The following GRIA3 variants were observed in gnomAD, a reference collection of about 807,000 sequenced individuals.
GRIA3 encodes glutamate receptor 3.
Under a neutral mutation model 63.0 loss-of-function variants are expected in GRIA3, and 3 were observed. That is an observed-to-expected ratio of 0.05 (90% CI 0.02 to 0.12). The LOEUF (loss-of-function observed/expected upper bound fraction) is 0.12. Among genes scored for constraint, GRIA3 ranks in the 10% least tolerant of loss-of-function variants. GRIA3 has a pLI of 1.00. For missense variants in GRIA3, 347 were observed against 700.9 expected, an observed-to-expected ratio of 0.50 and a Z score of 5.70; for synonymous variants, 274 against 257.9, an observed-to-expected ratio of 1.06 and a Z score of -0.60.
chrX:123,431,022 T>TCACACACA (rs1171959369), intron 12 of GRIA3, among the ~76,000 whole-genome samples: 2 of 25,199 alleles, frequency 7.9e-5, no homozygotes, highest in African/African-American at 2.8e-4. Context: ...AAACAGTAAC[T>TCACACACA]CACATACACA....
In GRIA3 at chrX:123,476,027, C is replaced by T. The variant is rs1415227900; in HGVS notation, c.2325-4036C>T. ...CATAAATCTACCTTCTTAGGGTGAT[C>T]ATTAAACCTGAACAATAATTATAAT... On this transcript the variant is annotated intron_variant, in intron 13 of 15. Transcript: ENST00000620443. Among the ~76,000 whole-genome samples the T allele has an allele frequency of 6.3e-5, 7 of 111,228 alleles. No homozygotes were observed. In the Admixed American group the frequency reaches 6.7e-4, roughly 11 times the overall value.
chrX:123,293,283 G>C (rs186129165), intron 3 of GRIA3, among the ~76,000 whole-genome samples: 1 of 111,228 alleles, frequency 9.0e-6, no homozygotes, highest in Non-Finnish European at 1.9e-5. Flanking sequence ...GGGATATTTA[G>C]ACCCATTTCT....
At chrX:123,368,779 A>G (rs1186884015) in intron 5 of GRIA3, among the ~76,000 whole-genome samples, 1 of 59,693 alleles carries the variant, frequency 1.7e-5, no homozygotes, top group Non-Finnish European at 3.3e-5. Context: ...AGATCATAAT[A>G]CAAAAAAAAA....
At chrX:123,207,895 C>A (rs912507521) in intron 2 of GRIA3, among the ~76,000 whole-genome samples, 1 of 111,689 alleles carries the variant, frequency 9.0e-6, no homozygotes, top group Non-Finnish European at 1.9e-5. Flanking sequence ...ATAGGGACTC[C>A]CTCCTGGAAC....
intron 12 of GRIA3, among the ~76,000 whole-genome samples, chrX:123,440,121 T>C (rs2045665745): frequency 1.8e-5 from 2 of 112,438 alleles, no homozygotes; most frequent in Admixed American, 1.9e-4. Flanking sequence ...ACAAAAGACA[T>C]GATCTCGTTC....
chrX:123,282,656 A>G (rs2044593173), intron 3 of GRIA3, among the ~76,000 whole-genome samples: 1 of 112,464 alleles, frequency 8.9e-6, no homozygotes, highest in Admixed American at 9.4e-5. Flanking sequence ...TTATAATCCC[A>G]CCACTTTGGG....
chrX:123,408,866 T>C (rs950093122), intron 10 of GRIA3, among the ~76,000 whole-genome samples: 31 of 112,332 alleles, frequency 2.8e-4, no homozygotes, highest in African/African-American at 9.0e-4. Flanking sequence ...CCTGTGGCTA[T>C]GAAAAATATA....
intron 12 of GRIA3, among the ~76,000 whole-genome samples, chrX:123,445,630 C>A (rs999828139): frequency 1.8e-5 from 2 of 112,419 alleles, no homozygotes; most frequent in African/African-American, 6.5e-5. Flanking sequence ...CTTCCAAAAT[C>A]TTTGACTATA....
At chrX:123,480,869 G>T (rs769708501) in intron 14 of GRIA3, among the ~76,000 whole-genome samples, 9 of 111,713 alleles carry the variant, frequency 8.1e-5, no homozygotes, top group Non-Finnish European at 1.3e-4. Flanking sequence ...ACATTGATAA[G>T]CATGAAACAC....
At chrX:123,479,170 A>G (rs1166009930) in intron 13 of GRIA3, among the ~76,000 whole-genome samples, 1 of 112,668 alleles carries the variant, frequency 8.9e-6, no homozygotes, top group African/African-American at 3.2e-5. Flanking sequence ...TAGAACAATT[A>G]AACTATTTCT....
chrX:123,473,394 A>T (rs2045872892), intron 13 of GRIA3, among the ~76,000 whole-genome samples: 1 of 111,997 alleles, frequency 8.9e-6, no homozygotes, highest in Non-Finnish European at 1.9e-5. Context: ...TAATACAGCA[A>T]ATATTCTTCT....
At chrX:123,204,407 A>C in intron 2 of GRIA3, 1 of 1,160,479 alleles carries the variant, frequency 8.6e-7, no homozygotes, top group African/African-American at 1.8e-5. Flanking sequence ...AAGGCGTTAC[A>C]GGTGAACTGT....
chrX:123,356,879 C>T (rs934495647), intron 5 of GRIA3, among the ~76,000 whole-genome samples: 1 of 111,258 alleles, frequency 9.0e-6, no homozygotes, highest in African/African-American at 3.3e-5. Flanking sequence ...ATTGATGTGT[C>T]GGATGGGTCA....
At chrX:123,207,692 A>G (rs966264528) in intron 2 of GRIA3, among the ~76,000 whole-genome samples, 1 of 112,004 alleles carries the variant, frequency 8.9e-6, no homozygotes, top group Non-Finnish European at 1.9e-5. Flanking sequence ...TGTCACCACC[A>G]TTAAGATTAA....
At chrX:123,225,279 A>C (rs1425863273) in intron 2 of GRIA3, among the ~76,000 whole-genome samples, 3 of 112,311 alleles carry the variant, frequency 2.7e-5, no homozygotes, top group Middle Eastern at 4.6e-3. Context: ...CATAATAAAC[A>C]CTCAACAAAT....
chrX:123,266,216 C>A (rs1193703079), intron 3 of GRIA3, among the ~76,000 whole-genome samples: 2 of 112,223 alleles, frequency 1.8e-5, no homozygotes, highest in Non-Finnish European at 3.8e-5. Context: ...AAAACAGTTG[C>A]AATTTCACAT....
intron 10 of GRIA3, among the ~76,000 whole-genome samples, chrX:123,414,404 A>ATTTCTT (rs1242186402): frequency 4.5e-5 from 5 of 112,058 alleles, no homozygotes; most frequent in African/African-American, 9.7e-5. Flanking sequence ...GAGAACTGGC[A>ATTTCTT]TTTCTTTTTC....
At chrX:123,434,997 C>T (rs911037348) in intron 12 of GRIA3, among the ~76,000 whole-genome samples, 3 of 112,477 alleles carry the variant, frequency 2.7e-5, no homozygotes, top group African/African-American at 6.5e-5. Flanking sequence ...TAAGCACTGA[C>T]GATCATACAT....
At chrX:123,346,461 T>C (rs2045050418) in intron 4 of GRIA3, among the ~76,000 whole-genome samples, 2 of 112,153 alleles carry the variant, frequency 1.8e-5, no homozygotes, top group Admixed American at 1.9e-4. Flanking sequence ...GTAAGCACTG[T>C]AAAAGAGCAA....
Sources: allele counts gnomAD v4.1 joint callset (sites outside exome capture counted in the v4.1 genomes callset), GRCh38; gene constraint gnomAD v4.1.1; transcripts MANE v1.5; gene names NCBI Gene and HGNC (gene_info 2026-07-23, HGNC 2026-07-21).